DEPDC4: variants seen among roughly 807,000 people sequenced by gnomAD.
DEPDC4 encodes DEP domain-containing protein 4.
A neutral mutation model predicts 52.0 loss-of-function variants in DEPDC4; 52 were observed. That is an observed-to-expected ratio of 1.00 (90% CI 0.80 to 1.26). The LOEUF is 1.26. DEPDC4 is among the 50% of genes most tolerant of loss of function. The probability of loss-of-function intolerance (pLI) is 0.00; values close to 1 mark genes in which losing one functional copy is unlikely to be tolerated. For synonymous variants in DEPDC4, 201 were observed against 196.8 expected, an observed-to-expected ratio of 1.02 and a Z score of -0.18; for missense variants, 530 against 546.9, an observed-to-expected ratio of 0.97 and a Z score of 0.31.
At position 100,253,576 on chromosome 12, in the gene DEPDC4, C is replaced by T; in HGVS notation, c.1018G>A (p.Val340Ile). The T allele has an allele frequency of 7.8e-7, 1 of 1,288,860 alleles. No individual in the cohort carries two copies. Among genetic ancestry groups the T allele is most frequent in the South Asian group, 1.2e-5 (1 of 80,990 alleles). 79.8% of individuals were successfully genotyped at this position (1,288,860 alleles called of 1,614,324 possible). Residue 340 changes from valine (V) to isoleucine (I), a missense_variant, in exon 5 of 10, where the codon GTC becomes ATC. Val to Ile is a conservative substitution (Grantham distance 29). Transcript: ENST00000550587. Reference sequence around the variant, plus strand: ...TCTTGAGCATAGTATTTTGCTATGACATCAAAGAGTATCTTCTTCTGACTG... The same window carrying T: ...TCTTGAGCATAGTATTTTGCTATGATATCAAAGAGTATCTTCTTCTGACTG... ...LNSQKKILFD[V>I]IAKYYAQERD... is the part of the protein sequence containing the mutation.
the DEPDC4 span, among the ~76,000 whole-genome samples, chr12:100,275,324 A>G: frequency 1.3e-5 from 2 of 151,698 alleles, no homozygotes; most frequent in African/African-American, 4.8e-5. Flanking sequence ...ACCTCAGCCT[A>G]CTGAGTAGCT....
At chr12:100,233,702 G>T (rs2096137486) in intron 9 of DEPDC4, among the ~76,000 whole-genome samples, 1 of 152,104 alleles carries the variant, frequency 6.6e-6, no homozygotes, top group African/African-American at 2.4e-5. Flanking sequence ...AACTTTTTTG[G>T]TTTTTGTGTT....
At chr12:100,277,619 C>T in the DEPDC4 span, among the ~76,000 whole-genome samples, 3 of 152,134 alleles carry the variant, frequency 2.0e-5, no homozygotes, top group Non-Finnish European at 2.9e-5. Context: ...TTTTTGTAAG[C>T]AGCATATAGT....
chr12:100,263,202 T>A (rs1376837308), intron 2 of DEPDC4, among the ~76,000 whole-genome samples: 1 of 152,236 alleles, frequency 6.6e-6, no homozygotes, highest in African/African-American at 2.4e-5. Flanking sequence ...TCTCAAGTGA[T>A]CTGTCCGTCT....
chr12:100,234,594 T>C (rs767507666), intron 9 of DEPDC4, among the ~76,000 whole-genome samples: 7 of 151,816 alleles, frequency 4.6e-5, no homozygotes, highest in Non-Finnish European at 4.4e-5. Context: ...TAGAAGAAGA[T>C]TCAGGAGCCT....
intron 3 of DEPDC4, among the ~76,000 whole-genome samples, chr12:100,261,968 T>C (rs956776051): frequency 6.6e-6 from 1 of 152,226 alleles, no homozygotes; most frequent in African/African-American, 2.4e-5. Flanking sequence ...TAATATGTCA[T>C]CAAAAATTTG....
At chr12:100,267,227 C>G, upstream of DEPDC4, 1 of 800,722 alleles carries the variant, frequency 1.2e-6, no homozygotes, top group Non-Finnish European at 1.9e-6. Flanking sequence ...CCCCTCCCCA[C>G]CCCTTTCCTT....
chr12:100,273,325 AT>A, the DEPDC4 span, among the ~76,000 whole-genome samples: 7 of 152,142 alleles, frequency 4.6e-5, no homozygotes, highest in African/African-American at 1.7e-4. Flanking sequence ...TTTGGGAAAC[AT>A]TCTATTCCTC....
At position 100,240,727 on chromosome 12, in the gene DEPDC4, G is replaced by C. The variant is rs1453585116; in HGVS notation, c.*1165C>G. Among the ~76,000 whole-genome samples, 1 of 152,210 alleles carries C rather than the reference G, an allele frequency of 6.6e-6. No individual in the cohort carries two copies. Among genetic ancestry groups the C allele is most frequent in the Admixed American group, 6.5e-5 (1 of 15,272 alleles). ...TAGAGAGAGAAATCACAGTTTTGAT[G>C]TTTACGAATTTTTAATTTGTGGCCT... On this transcript the variant is annotated 3_prime_UTR_variant, in exon 10 of 10. Transcript: ENST00000550587.
the DEPDC4 span, among the ~76,000 whole-genome samples, chr12:100,280,957 A>G: frequency 6.6e-6 from 1 of 150,738 alleles, no homozygotes; most frequent in Non-Finnish European, 1.5e-5. Context: ...CCTATGTAAA[A>G]TTCTAAAAAT....
At chr12:100,243,033 T>C (rs1468792047) in intron 8 of DEPDC4, among the ~76,000 whole-genome samples, 2 of 152,228 alleles carry the variant, frequency 1.3e-5, no homozygotes, top group South Asian at 2.1e-4. Flanking sequence ...TTTTCCTATA[T>C]ATACATACCT....
chr12:100,263,547 A>G lies in DEPDC4; in HGVS notation c.504T>C (p.Asp168=), dbSNP rs772276192. ...CAGCATCCTTTTGTCTTTTGCAACAATCGTAAGATGATTTATTGCCTAGAA... is the reference window on the plus strand; with the variant it reads ...CAGCATCCTTTTGTCTTTTGCAACAGTCGTAAGATGATTTATTGCCTAGAA... ...YRFLGNKSSY[D]CCKRQKDAEN... Residue 168 remains aspartate (D), a synonymous_variant, in exon 2 of 10, where the codon GAT becomes GAC. Transcript: ENST00000550587. The G allele has an allele frequency of 6.2e-7, 1 of 1,608,438 alleles. No homozygotes were observed. Among genetic ancestry groups the G allele is most frequent in the Non-Finnish European group, 8.5e-7 (1 of 1,178,106 alleles).
chr12:100,267,310 A>C (rs1592917276), upstream of DEPDC4: 2 of 485,046 alleles, frequency 4.1e-6, no homozygotes, highest in Admixed American at 3.8e-5. Context: ...GCCAGGCACG[A>C]AGGCAGAGCA....
intron 3 of DEPDC4, among the ~76,000 whole-genome samples, chr12:100,261,316 T>A (rs1483268421): frequency 6.6e-6 from 1 of 152,198 alleles, no homozygotes; most frequent in Non-Finnish European, 1.5e-5. Flanking sequence ...AGTGTGCAAG[T>A]CATAGCTAGT....
At chr12:100,239,452 T>C (rs1431714785), downstream of DEPDC4, among the ~76,000 whole-genome samples, 1 of 151,996 alleles carries the variant, frequency 6.6e-6, no homozygotes, top group Non-Finnish European at 1.5e-5. Flanking sequence ...CATGGCTCAT[T>C]GAAACCTTGA....
upstream of DEPDC4, among the ~76,000 whole-genome samples, chr12:100,269,803 G>C (rs1048587128): frequency 6.6e-6 from 1 of 152,020 alleles, no homozygotes; most frequent in Non-Finnish European, 1.5e-5. Context: ...GCTTTCTCAG[G>C]ATACAGATAT....
chr12:100,259,939 C>T (rs1566324409), intron 3 of DEPDC4, among the ~76,000 whole-genome samples: 1 of 147,900 alleles, frequency 6.8e-6, no homozygotes, highest in African/African-American at 2.5e-5. Flanking sequence ...TCATTCCCTC[C>T]TATGTCTTTT....
At chr12:100,251,312 A>G (rs1466760592) in intron 7 of DEPDC4, among the ~76,000 whole-genome samples, 2 of 152,150 alleles carry the variant, frequency 1.3e-5, no homozygotes, top group East Asian at 3.9e-4. Context: ...CATTGAAAGT[A>G]TTCATACTAT....
At chr12:100,280,627 T>G in the DEPDC4 span, among the ~76,000 whole-genome samples, 1 of 152,212 alleles carries the variant, frequency 6.6e-6, no homozygotes, top group Non-Finnish European at 1.5e-5. Context: ...CAATTACTAA[T>G]TATTAATACA....
Sources: gnomAD v4.1 joint callset for allele counts (sites outside exome capture counted in the v4.1 genomes callset) on GRCh38, gnomAD v4.1.1 for gene constraint, MANE v1.5 for transcripts, NCBI Gene and HGNC (gene_info 2026-07-23, HGNC 2026-07-21) for gene names.